The following LRRTM4 variants were observed in gnomAD, a reference collection of about 807,000 sequenced individuals.
The protein encoded by LRRTM4 is leucine-rich repeat transmembrane neuronal protein 4.
Under a neutral mutation model 47.6 loss-of-function variants are expected in LRRTM4, and 25 were observed. That is an observed-to-expected ratio of 0.53 (90% CI 0.38 to 0.73). LRRTM4 has a LOEUF of 0.73. Ranked by LOEUF, LRRTM4 falls within the 30% of genes least tolerant of loss-of-function variation. LRRTM4 has a pLI of 0.00. For missense variants in LRRTM4, 638 were observed against 713.4 expected (o/e 0.89, Z 1.20); for synonymous variants, 311 against 269.5 (o/e 1.15, Z -1.51).
At chr2:77,515,669 T>C (rs1346192541) in intron 3 of LRRTM4, among the ~76,000 whole-genome samples, 1 of 151,780 alleles carries the variant, frequency 6.6e-6, no homozygotes, top group African/African-American at 2.4e-5. Context: ...GCTAAACTAG[T>C]GATATATGAG....
At chr2:76,751,820 G>A (rs1187711640) in intron 3 of LRRTM4, among the ~76,000 whole-genome samples, 1 of 152,158 alleles carries the variant, frequency 6.6e-6, no homozygotes, top group Non-Finnish European at 1.5e-5. Context: ...TGACATTTCA[G>A]TGGGAAGAAT....
At chr2:77,026,859 A>C (rs992508939) in intron 3 of LRRTM4, among the ~76,000 whole-genome samples, 3 of 152,178 alleles carry the variant, frequency 2.0e-5, no homozygotes, top group African/African-American at 7.2e-5. Flanking sequence ...AACATAATGC[A>C]AATAAGTATT....
At chr2:77,370,351 A>G (rs1471164525) in intron 3 of LRRTM4, among the ~76,000 whole-genome samples, 1 of 151,788 alleles carries the variant, frequency 6.6e-6, no homozygotes, top group Non-Finnish European at 1.5e-5. Flanking sequence ...AGAGCCCACT[A>G]ACTTACCAAG....
intron 3 of LRRTM4, among the ~76,000 whole-genome samples, chr2:77,184,594 C>T (rs917904280): frequency 2.0e-5 from 3 of 152,098 alleles, no homozygotes; most frequent in African/African-American, 7.2e-5. Context: ...TACATAAAGC[C>T]TTTCCCAAAG....
intron 3 of LRRTM4, among the ~76,000 whole-genome samples, chr2:76,962,328 A>G (rs1343997106): frequency 6.6e-6 from 1 of 151,218 alleles, no homozygotes; most frequent in Non-Finnish European, 1.5e-5. Context: ...AATGTGTAGC[A>G]GTGGTTACAA....
chr2:77,458,841 A>G (rs1676666888), intron 3 of LRRTM4, among the ~76,000 whole-genome samples: 1 of 151,558 alleles, frequency 6.6e-6, no homozygotes, highest in African/African-American at 2.4e-5. Context: ...GTGGAAATTC[A>G]AAAATGAGGC....
intron 3 of LRRTM4, among the ~76,000 whole-genome samples, chr2:77,341,297 A>T (rs1005794400): frequency 3.3e-5 from 5 of 151,944 alleles, no homozygotes; most frequent in African/African-American, 1.2e-4. Context: ...CTCAGTACCC[A>T]TGAATGAATC....
chr2:77,187,625 A>C (rs1673548780), intron 3 of LRRTM4, among the ~76,000 whole-genome samples: 1 of 152,116 alleles, frequency 6.6e-6, no homozygotes, highest in Non-Finnish European at 1.5e-5. Context: ...AAAGTATAAT[A>C]ATAAAAAAAC....
At chr2:77,336,879 G>A (rs890820453) in intron 3 of LRRTM4, among the ~76,000 whole-genome samples, 21 of 151,946 alleles carry the variant, frequency 1.4e-4, no homozygotes, top group African/African-American at 5.1e-4. Flanking sequence ...AAATCAGACG[G>A]GACAATGAAC....
At chr2:76,858,985 C>T (rs1672235741) in intron 3 of LRRTM4, among the ~76,000 whole-genome samples, 1 of 152,140 alleles carries the variant, frequency 6.6e-6, no homozygotes, top group Non-Finnish European at 1.5e-5. Context: ...GGGCCATTTG[C>T]AGCTTTTCTC....
chr2:77,261,512 C>T (rs1675918663), intron 3 of LRRTM4, among the ~76,000 whole-genome samples: 2 of 152,014 alleles, frequency 1.3e-5, no homozygotes, highest in South Asian at 4.1e-4. Context: ...CCCCTAGTGT[C>T]TCAAACTGGA....
chr2:77,080,242 C>T (rs1044707295), intron 3 of LRRTM4, among the ~76,000 whole-genome samples: 1 of 152,152 alleles, frequency 6.6e-6, no homozygotes, highest in African/African-American at 2.4e-5. Context: ...TGATTTCCCC[C>T]TTACATAACT....
In LRRTM4 at chr2:77,000,671, T is replaced by C. The variant is rs545155424; in HGVS notation, c.1552-251755A>G. The stretch of plus-strand genomic sequence containing the variant: ...GAACAGGAAGCAAAAGAGAGATTCA[T>C]GTTTTGGTTTGTTCTGGAAACTTAT... On this transcript the variant is annotated intron_variant, in intron 3 of 3. Transcript: ENST00000409884. Among the ~76,000 whole-genome samples the C allele has an allele frequency of 4.1e-4, 63 of 152,312 alleles. 1 individual carries two copies. In the South Asian group the frequency reaches 0.013, roughly 31 times the overall value.
chr2:77,058,474 C>T (rs1263269278), intron 3 of LRRTM4, among the ~76,000 whole-genome samples: 3 of 151,472 alleles, frequency 2.0e-5, no homozygotes, highest in Non-Finnish European at 2.9e-5. Flanking sequence ...TCCTTCTAGC[C>T]TCTTTTTCTT....
Position 77,303,701 on chromosome 2 carries a change from T to C in LRRTM4, c.1551+214617A>G, listed in dbSNP as rs148633340. On this transcript the variant is annotated intron_variant, in intron 3 of 3. Coordinates refer to ENST00000409884, the MANE Select transcript of LRRTM4 (RefSeq NM_001134745.3). ...TTAGATTTCACATGTAAGTGAGGTCTTCAGGTATTTATCTTTCTATGCCTT... is the reference window on the plus strand; with the variant it reads ...TTAGATTTCACATGTAAGTGAGGTCCTCAGGTATTTATCTTTCTATGCCTT... Among the ~76,000 whole-genome samples the C allele has an allele frequency of 3.5e-3, 528 of 152,358 alleles. 1 individual carries two copies. Among genetic ancestry groups the C allele is most frequent in the African/African-American group, 0.012 (486 of 41,580 alleles).
At chr2:76,782,896 T>C (rs1209848487) in intron 3 of LRRTM4, among the ~76,000 whole-genome samples, 3 of 152,174 alleles carry the variant, frequency 2.0e-5, no homozygotes, top group Non-Finnish European at 4.4e-5. Flanking sequence ...TAATTTAAAT[T>C]ATAGAGTGTT....
chr2:76,801,421 A>G (rs1675674290), intron 3 of LRRTM4, among the ~76,000 whole-genome samples: 1 of 152,100 alleles, frequency 6.6e-6, no homozygotes, highest in Non-Finnish European at 1.5e-5. Flanking sequence ...AGAACAAAAA[A>G]CCAAACAGCG....
intron 3 of LRRTM4, among the ~76,000 whole-genome samples, chr2:76,981,364 C>A (rs975934213): frequency 7.9e-5 from 12 of 152,090 alleles, no homozygotes; most frequent in Non-Finnish European, 1.3e-4. Context: ...TCAGACATCT[C>A]CATTTACCTC....
chr2:77,500,051 G>T (rs1427225790), intron 3 of LRRTM4, among the ~76,000 whole-genome samples: 2 of 151,648 alleles, frequency 1.3e-5, no homozygotes, highest in Admixed American at 6.6e-5. Flanking sequence ...TGCTTCCCCA[G>T]TATAAAGACA....
Sources: allele counts gnomAD v4.1 joint callset (sites outside exome capture counted in the v4.1 genomes callset), GRCh38; gene constraint gnomAD v4.1.1; transcripts MANE v1.5; gene names NCBI Gene and HGNC (gene_info 2026-07-23, HGNC 2026-07-21).